ACSM1: variants seen among roughly 807,000 people sequenced by gnomAD.
The protein encoded by ACSM1 is acyl-coenzyme A synthetase ACSM1, mitochondrial.
A neutral mutation model predicts 75.8 loss-of-function variants in ACSM1; 79 were observed. The observed-to-expected ratio is 1.04, with a 90% CI of 0.87 to 1.26. ACSM1 has a LOEUF of 1.26. Ranked by LOEUF, ACSM1 falls within the 50% of genes most tolerant of loss-of-function variation. ACSM1 has a pLI of 0.00. For missense variants in ACSM1, 676 were observed against 720.1 expected (o/e 0.94, Z 0.70); for synonymous variants, 279 against 265.8 (o/e 1.05, Z -0.48).
intron 3 of ACSM1, among the ~76,000 whole-genome samples, chr16:20,684,895 G>C (rs1352142958): frequency 6.6e-6 from 1 of 152,166 alleles, no homozygotes; most frequent in Non-Finnish European, 1.5e-5. Flanking sequence ...CACTGCACTT[G>C]AGAGTGTATG....
chr16:20,659,811 TA>T (rs985897961), intron 7 of ACSM1, among the ~76,000 whole-genome samples: 1 of 152,156 alleles, frequency 6.6e-6, no homozygotes, highest in Non-Finnish European at 1.5e-5. Context: ...CTCTGCACAA[TA>T]AAACTTGGTT....
chr16:20,682,164 A>G (rs1471016120), intron 4 of ACSM1, 92 bp downstream of exon 4: 5 of 1,250,970 alleles, frequency 4.0e-6, no homozygotes, highest in Non-Finnish European at 5.6e-6. Context: ...AATAATAAAT[A>G]CATCCTCCTC....
At chr16:20,676,785 G>A (rs747216158) in intron 4 of ACSM1, among the ~76,000 whole-genome samples, 5 of 151,706 alleles carry the variant, frequency 3.3e-5, no homozygotes, top group Non-Finnish European at 4.4e-5. Flanking sequence ...TAATGTGCAC[G>A]GTGCAAAAGG....
chr16:20,624,074 C>T (rs766254696), intron 13 of ACSM1, 22 bp downstream of exon 13: 2 of 1,609,570 alleles, frequency 1.2e-6, no homozygotes, highest in South Asian at 1.1e-5. Flanking sequence ...CCACCAGATC[C>T]CTTCCATCTG....
intron 4 of ACSM1, among the ~76,000 whole-genome samples, chr16:20,678,509 G>A (rs2079361590): frequency 6.6e-6 from 1 of 152,198 alleles, no homozygotes; most frequent in Admixed American, 6.5e-5. Flanking sequence ...ACCCTGTGAT[G>A]GGGGCTATCA....
chr16:20,629,674 C>T (rs1426516433), intron 10 of ACSM1, among the ~76,000 whole-genome samples: 1 of 152,150 alleles, frequency 6.6e-6, no homozygotes, highest in East Asian at 1.9e-4. Flanking sequence ...TATACACTAT[C>T]TACAAGAGAT....
chr16:20,642,629 G>A (rs1596821937), intron 7 of ACSM1, among the ~76,000 whole-genome samples: 1 of 152,294 alleles, frequency 6.6e-6, no homozygotes, highest in East Asian at 1.9e-4. Flanking sequence ...TATCCCCCGT[G>A]CAATACAATC....
intron 2 of ACSM1, 93 bp downstream of exon 2, chr16:20,690,904 A>G: frequency 8.1e-7 from 1 of 1,235,220 alleles, no homozygotes; most frequent in Admixed American, 2.7e-5. Context: ...GGCAGAAGTA[A>G]CTTTGGTTCC....
intron 4 of ACSM1, chr16:20,682,009 T>A (rs1437653940): frequency 2.4e-6 from 1 of 409,612 alleles, no homozygotes; most frequent in Non-Finnish European, 4.5e-6. Context: ...CTCAACTGAA[T>A]AACTGTCTTT....
At chr16:20,675,256 G>C (rs528391780) in intron 4 of ACSM1, among the ~76,000 whole-genome samples, 1 of 152,302 alleles carries the variant, frequency 6.6e-6, no homozygotes, top group South Asian at 2.1e-4. Context: ...TGAGGCAAGG[G>C]AGGTGTGTGA....
intron 1 of ACSM1, among the ~76,000 whole-genome samples, chr16:20,692,729 C>T (rs1176578691): frequency 1.3e-5 from 2 of 152,094 alleles, no homozygotes; most frequent in African/African-American, 4.8e-5. Context: ...TTGGGTAAAA[C>T]ATTTTGATTT....
chr16:20,691,404 G>C (rs992184661), intron 1 of ACSM1, 165 bp from the exon 2 acceptor site: 1 of 497,976 alleles, frequency 2.0e-6, no homozygotes, highest in African/African-American at 2.0e-5. Context: ...CCCAGCTGAG[G>C]AACCACATGG....
At chr16:20,636,665 G>T in intron 10 of ACSM1, 74 bp downstream of exon 10, 4 of 1,061,472 alleles carry the variant, frequency 3.8e-6, no homozygotes, top group Non-Finnish European at 4.3e-6. Flanking sequence ...AAGAGGACTT[G>T]AAGAAGCCTC....
At chr16:20,690,076 G>A (rs1288083377) in intron 2 of ACSM1, among the ~76,000 whole-genome samples, 1 of 152,214 alleles carries the variant, frequency 6.6e-6, no homozygotes. Context: ...TTTTCTTGAG[G>A]TTACTATGCA....
At chr16:20,695,391 T>C (rs1252839877) in intron 1 of ACSM1, among the ~76,000 whole-genome samples, 1 of 152,208 alleles carries the variant, frequency 6.6e-6, no homozygotes, top group Non-Finnish European at 1.5e-5. Context: ...GAGCTGTTGC[T>C]AGTTAACACA....
intron 6 of ACSM1, among the ~76,000 whole-genome samples, chr16:20,664,147 G>GTATTTATTTATT (rs71149169): frequency 0.16 from 23,848 of 145,428 alleles, 2,467 homozygotes; most frequent in South Asian, 0.24. Flanking sequence ...AAATTGAATA[G>GTATTTATTTATT]TATTTATTTA....
At chr16:20,688,384 T>G (rs2079592100) in intron 2 of ACSM1, among the ~76,000 whole-genome samples, 1 of 152,070 alleles carries the variant, frequency 6.6e-6, no homozygotes, top group Non-Finnish European at 1.5e-5. Flanking sequence ...GCATAGAGGT[T>G]ATTGGAAGAA....
intron 6 of ACSM1, among the ~76,000 whole-genome samples, chr16:20,664,377 A>T (rs2019458734): frequency 6.6e-6 from 1 of 152,122 alleles, no homozygotes. Context: ...ATAAAAACAG[A>T]CTTTAAACCA....
chr16:20,646,754 T>G (rs1433821804), intron 7 of ACSM1, among the ~76,000 whole-genome samples: 3 of 152,190 alleles, frequency 2.0e-5, no homozygotes, highest in African/African-American at 7.2e-5. Flanking sequence ...ATACAGACTC[T>G]AACTATGCTT....
Sources: gnomAD v4.1 joint callset for allele counts (sites outside exome capture counted in the v4.1 genomes callset) on GRCh38, gnomAD v4.1.1 for gene constraint, MANE v1.5 for transcripts, NCBI Gene and HGNC (gene_info 2026-07-23, HGNC 2026-07-21) for gene names.